NRXN3: variants seen among roughly 807,000 people sequenced by gnomAD.
The protein encoded by NRXN3 is neurexin III.
In NRXN3, 32 loss-of-function variants were observed where a neutral mutation model predicts 137.6. The ratio of observed to expected loss-of-function variants is 0.23; its 90% CI spans 0.18 to 0.31. The LOEUF is 0.31. Ranked by LOEUF, NRXN3 falls within the 10% of genes least tolerant of loss-of-function variation. NRXN3 has a pLI of 1.00. For missense variants in NRXN3, 1,574 were observed against 2,062.5 expected (o/e 0.76, Z 4.59); for synonymous variants, 798 against 784.5 (o/e 1.02, Z -0.29).
intron 15 of NRXN3, among the ~76,000 whole-genome samples, chr14:79,041,045 C>A (rs1034282301): frequency 6.6e-6 from 1 of 152,092 alleles, no homozygotes; most frequent in Non-Finnish European, 1.5e-5. Context: ...GCCTGCCTGA[C>A]CACTTTCTTC....
chr14:78,983,143 A>C (rs2099493809), intron 14 of NRXN3, among the ~76,000 whole-genome samples: 1 of 152,134 alleles, frequency 6.6e-6, no homozygotes, highest in Non-Finnish European at 1.5e-5. Flanking sequence ...CAACAACAAC[A>C]ACAAGTATTG....
intron 20 of NRXN3, among the ~76,000 whole-genome samples, chr14:79,827,352 T>G (rs1376870598): frequency 6.6e-6 from 1 of 152,014 alleles, no homozygotes; most frequent in Non-Finnish European, 1.5e-5. Flanking sequence ...GAAGAAAAAA[T>G]GCATTAGAGC....
At chr14:78,756,154 A>G (rs925502085) in intron 8 of NRXN3, among the ~76,000 whole-genome samples, 2 of 152,284 alleles carry the variant, frequency 1.3e-5, no homozygotes, top group South Asian at 2.1e-4. Flanking sequence ...GGAAAGTATA[A>G]TATCCAAGAA....
chr14:78,366,635 G>A (rs2085991224), intron 4 of NRXN3, among the ~76,000 whole-genome samples: 1 of 152,154 alleles, frequency 6.6e-6, no homozygotes, highest in African/African-American at 2.4e-5. Flanking sequence ...GCAAAGAGGA[G>A]CAAGTCACAT....
intron 15 of NRXN3, among the ~76,000 whole-genome samples, chr14:79,364,994 A>G (rs922783003): frequency 6.6e-6 from 1 of 152,160 alleles, no homozygotes. Flanking sequence ...TAGGTATTTT[A>G]TTATAAATAA....
At chr14:79,527,864 C>G (rs1393612700) in intron 16 of NRXN3, among the ~76,000 whole-genome samples, 1 of 109,814 alleles carries the variant, frequency 9.1e-6, no homozygotes, top group Non-Finnish European at 1.8e-5. Flanking sequence ...GAATGAGACT[C>G]CTTCGCCAAA....
rs1385000688 is a variant in NRXN3 at position 79,617,930 on chromosome 14, A to AAAAAAAAAAGAAAAG, written c.3445-45846_3445-45845insAAAAAAAGAAAAGAA. Among the ~76,000 whole-genome samples the AAAAAAAAAAGAAAAG allele has an allele frequency of 9.1e-4, 135 of 148,820 alleles. 3 individuals carry two copies. The highest frequency in any genetic ancestry group is 3.3e-3 in the African/African-American group (128 of 38,640). On this transcript the variant is annotated intron_variant, in intron 16 of 20. Transcript: ENST00000335750. ...GCTGAATAGCAGCAAAAAAAAAAAA[A>AAAAAAAAAAGAAAAG]AACATGCTTATGAAGAGCTGCCTAG...
chr14:78,804,873 A>C (rs992053816), intron 9 of NRXN3, among the ~76,000 whole-genome samples: 2 of 152,188 alleles, frequency 1.3e-5, no homozygotes, highest in African/African-American at 4.8e-5. Flanking sequence ...AAACTTTCTA[A>C]GCTAGTGAAT....
At chr14:78,403,986 T>C (rs2092307143) in intron 4 of NRXN3, 1 of 671,196 alleles carries the variant, frequency 1.5e-6, no homozygotes, top group Non-Finnish European at 1.8e-6. Context: ...TGCAAAGTGG[T>C]ATTTGGAAGC....
chr14:78,812,560 A>G (rs2098917498), intron 10 of NRXN3, among the ~76,000 whole-genome samples: 2 of 152,198 alleles, frequency 1.3e-5, no homozygotes, highest in Admixed American at 6.5e-5. Flanking sequence ...TATATTCCAC[A>G]TGATCAGCCA....
chr14:79,265,164 C>T (rs1213269051), intron 15 of NRXN3, among the ~76,000 whole-genome samples: 1 of 146,208 alleles, frequency 6.8e-6, no homozygotes, highest in East Asian at 2.1e-4. Context: ...CTTCGTGTAA[C>T]ATAAATCAAA....
intron 4 of NRXN3, among the ~76,000 whole-genome samples, chr14:78,588,412 A>G (rs2097087716): frequency 6.6e-6 from 1 of 152,240 alleles, no homozygotes; most frequent in Non-Finnish European, 1.5e-5. Flanking sequence ...AAAAGGTAAT[A>G]ACTAAATGGG....
Position 78,221,734 on chromosome 14 carries a change from A to G in NRXN3, c.-703-20657A>G, listed in dbSNP as rs367628043. Among the ~76,000 whole-genome samples the G allele has an allele frequency of 9.2e-5, 14 of 152,268 alleles. 1 individual carries two copies. In the East Asian group the frequency reaches 1.4e-3, roughly 15 times the overall value. On this transcript the variant is annotated intron_variant, in intron 1 of 20. Coordinates refer to ENST00000335750, the MANE Select transcript of NRXN3 (RefSeq NM_001330195.2). The stretch of plus-strand genomic sequence containing the variant: ...GTTCATAGTTGGGGTGGGTGGCTGG[A>G]ATAGCTCTGGTCATTGACCTGTTGG...
intron 16 of NRXN3, among the ~76,000 whole-genome samples, chr14:79,607,405 C>G (rs1036610362): frequency 3.3e-5 from 5 of 152,150 alleles, no homozygotes; most frequent in African/African-American, 1.2e-4. Flanking sequence ...CCCAGAGAGA[C>G]AGGAAGAGAC....
At chr14:78,495,502 T>A (rs72681590) in intron 4 of NRXN3, among the ~76,000 whole-genome samples, 4,627 of 152,198 alleles carry the variant, frequency 0.03, 139 homozygotes, top group African/African-American at 0.07. Context: ...TTTACACTAA[T>A]TTGCTTGAAT....
At chr14:79,277,413 A>T (rs2080464687) in intron 15 of NRXN3, among the ~76,000 whole-genome samples, 1 of 152,196 alleles carries the variant, frequency 6.6e-6, no homozygotes, top group Non-Finnish European at 1.5e-5. Flanking sequence ...GGTTGAATTG[A>T]GTGGAAATTA....
intron 1 of NRXN3, among the ~76,000 whole-genome samples, chr14:78,175,189 G>A (rs1566901998): frequency 1.3e-5 from 2 of 151,994 alleles, no homozygotes; most frequent in Non-Finnish European, 2.9e-5. Context: ...TTGCCTAAAA[G>A]AAAAAAATCA....
At chr14:78,558,762 G>A (rs193011036) in intron 4 of NRXN3, among the ~76,000 whole-genome samples, 6 of 152,246 alleles carry the variant, frequency 3.9e-5, no homozygotes, top group Non-Finnish European at 7.4e-5. Flanking sequence ...AGTAGAAGGA[G>A]ATGAAAAAAA....
chr14:78,963,938 T>A (rs1450089071), intron 11 of NRXN3, among the ~76,000 whole-genome samples: 8 of 152,102 alleles, frequency 5.3e-5, no homozygotes, highest in Non-Finnish European at 1.2e-4. Context: ...GCTAATATTT[T>A]TTTTTTAATT....
Sources: gnomAD v4.1 joint callset for allele counts (sites outside exome capture counted in the v4.1 genomes callset) on GRCh38, gnomAD v4.1.1 for gene constraint, MANE v1.5 for transcripts, NCBI Gene and HGNC (gene_info 2026-07-23, HGNC 2026-07-21) for gene names.